GRM7: variants seen among roughly 807,000 people sequenced by gnomAD.
GRM7 encodes the protein glutamate metabotropic receptor 7.
A neutral mutation model predicts 84.5 loss-of-function variants in GRM7; 35 were observed. The observed-to-expected ratio is 0.41, with a 90% CI of 0.32 to 0.55. The LOEUF is 0.55. Among genes scored for constraint, GRM7 ranks in the 20% least tolerant of loss-of-function variants. The probability of loss-of-function intolerance (pLI) is 0.19; values close to 1 mark genes in which losing one functional copy is unlikely to be tolerated. For synonymous variants in GRM7, 487 were observed against 455.1 expected, an observed-to-expected ratio of 1.07 and a Z score of -0.89; for missense variants, 1,003 against 1,194.6, an observed-to-expected ratio of 0.84 and a Z score of 2.36.
At chr3:7,052,165 A>G (rs888444602) in intron 1 of GRM7, among the ~76,000 whole-genome samples, 1 of 151,706 alleles carries the variant, frequency 6.6e-6, no homozygotes, top group African/African-American at 2.4e-5. Context: ...CTGAAAATGT[A>G]TTTATGAATC....
intron 7 of GRM7, among the ~76,000 whole-genome samples, chr3:7,574,385 C>G (rs1259615330): frequency 6.6e-6 from 1 of 152,138 alleles, no homozygotes; most frequent in African/African-American, 2.4e-5. Context: ...GTCTTGAATT[C>G]CTGACCTCGT....
At chr3:7,066,316 C>A (rs1697660267) in intron 1 of GRM7, among the ~76,000 whole-genome samples, 1 of 151,750 alleles carries the variant, frequency 6.6e-6, no homozygotes, top group East Asian at 1.9e-4. Context: ...ATCCAACTAA[C>A]CTCACTAAGA....
At chr3:7,418,112 C>T (rs971443044) in intron 5 of GRM7, among the ~76,000 whole-genome samples, 3 of 152,150 alleles carry the variant, frequency 2.0e-5, no homozygotes, top group South Asian at 4.1e-4. Context: ...ATCTTTATTT[C>T]TGTAAATTAT....
chr3:7,631,392 G>A (rs760654230), intron 8 of GRM7, among the ~76,000 whole-genome samples: 1 of 152,120 alleles, frequency 6.6e-6, no homozygotes, highest in Non-Finnish European at 1.5e-5. Flanking sequence ...CAGGAGAATG[G>A]AAGCCATGGT....
rs573368514 is a variant in GRM7, at chr3:7,486,922, C to T, written c.1515+25200C>T. Reference sequence around the variant, plus strand: ...TAGATTCTTGTGAGGACATAGAAGACGAGAATACTAGGGAAAGTTTGGAAC... The same window carrying T: ...TAGATTCTTGTGAGGACATAGAAGATGAGAATACTAGGGAAAGTTTGGAAC... On this transcript the variant is annotated intron_variant, in intron 7 of 9. Transcript: ENST00000357716. This position sits in a 1 kb window ranked among gnomAD's most constrained non-coding sequence, Gnocchi z 5.5. Among the ~76,000 whole-genome samples the T allele has an allele frequency of 5.9e-5, 9 of 152,052 alleles. No individual in the cohort carries two copies. The highest frequency in any genetic ancestry group is 1.4e-4 in the African/African-American group (6 of 41,466).
Position 6,863,429 on chromosome 3 carries a change from G to A in GRM7, c.519+1522G>A, listed in dbSNP as rs1694833464. ...CCAGGCTGTCATCACATCACCTCCA[G>A]GAGTGTGAAGTTTGCATTCAGGAAA... On this transcript the variant is annotated intron_variant, in intron 1 of 9. Coordinates refer to ENST00000357716, the MANE Select transcript of GRM7 (RefSeq NM_000844.4). The surrounding 1 kb of genome is among the most constrained non-coding windows in gnomAD (Gnocchi z 4.8). Among the ~76,000 whole-genome samples, 7 of 152,152 alleles carry A rather than the reference G, an allele frequency of 4.6e-5. No individual in the cohort carries two copies. The highest frequency in any genetic ancestry group is 4.6e-4 in the Admixed American group (7 of 15,276).
intron 2 of GRM7, among the ~76,000 whole-genome samples, chr3:7,218,945 C>T (rs1696705126): frequency 6.6e-6 from 1 of 152,070 alleles, no homozygotes; most frequent in African/African-American, 2.4e-5. Flanking sequence ...AACTACCCAT[C>T]ATTTATTGAT....
chr3:7,181,051 C>T (rs1203649565), intron 2 of GRM7, among the ~76,000 whole-genome samples: 1 of 152,158 alleles, frequency 6.6e-6, no homozygotes, highest in Non-Finnish European at 1.5e-5. Context: ...ATTTCCCTCT[C>T]TGCTACAGGT....
At chr3:7,498,453 T>G (rs182078245) in intron 7 of GRM7, among the ~76,000 whole-genome samples, 169 of 152,324 alleles carry the variant, frequency 1.1e-3, no homozygotes, top group African/African-American at 3.7e-3. Flanking sequence ...AGCATGAACA[T>G]TGTTTCTTGT....
intron 4 of GRM7, among the ~76,000 whole-genome samples, chr3:7,317,219 G>C (rs1195399373): frequency 2.6e-5 from 4 of 152,054 alleles, no homozygotes; most frequent in Admixed American, 1.3e-4. Flanking sequence ...CGAACGTGGT[G>C]ATGTGTCTAT....
Position 7,192,656 on chromosome 3 carries a change from C to T in GRM7, c.736+45988C>T, listed in dbSNP as rs187209553. Among the ~76,000 whole-genome samples, 94 of 152,242 alleles carry T rather than the reference C, an allele frequency of 6.2e-4. 1 individual carries two copies. The highest frequency in any genetic ancestry group is 2.2e-3 in the African/African-American group (93 of 41,556). The stretch of plus-strand genomic sequence containing the variant: ...TCCGATTTGTCCCTCTATCTTGGCT[C>T]CTTCCAAGCAGCCTGTAATGTGTTC... On this transcript the variant is annotated intron_variant, in intron 2 of 9. Coordinates refer to ENST00000357716, the MANE Select transcript of GRM7 (RefSeq NM_000844.4).
chr3:7,454,984 G>T (rs191094459), intron 6 of GRM7, among the ~76,000 whole-genome samples: 1 of 152,028 alleles, frequency 6.6e-6, no homozygotes, highest in Non-Finnish European at 1.5e-5. Context: ...TTGGGACCAG[G>T]GCTAGGGCAG....
At chr3:7,063,593 A>C (rs1697510170) in intron 1 of GRM7, among the ~76,000 whole-genome samples, 1 of 151,806 alleles carries the variant, frequency 6.6e-6, no homozygotes, top group Non-Finnish European at 1.5e-5. Context: ...GCTCTCAGAT[A>C]ATTACTTTCT....
intron 8 of GRM7, among the ~76,000 whole-genome samples, chr3:7,656,313 A>C (rs1034431256): frequency 6.6e-6 from 1 of 151,894 alleles, no homozygotes; most frequent in Non-Finnish European, 1.5e-5. Context: ...ATATGGCAAA[A>C]CCCTGTCTCT....
chr3:7,513,788 G>A (rs1023585629), intron 7 of GRM7, among the ~76,000 whole-genome samples: 1 of 152,078 alleles, frequency 6.6e-6, no homozygotes, highest in Non-Finnish European at 1.5e-5. Context: ...CATCAGCAAA[G>A]ACAACCCAAA....
In GRM7 at chr3:7,740,398, G is replaced by C; in HGVS notation, c.2740G>C (p.Val914Leu). 6.4e-7 allele frequency: 1 copy of C among 1,570,778 alleles called. No homozygotes were observed. The highest frequency in any genetic ancestry group is 8.7e-7 in the Non-Finnish European group (1 of 1,147,206). Residue 914 changes from valine to leucine, a missense_variant, in exon 10 of 10, where the codon GTT (valine) becomes CTT (leucine). Val to Leu is a conservative substitution (Grantham distance 32). This residue lies in a region of GRM7 where 910 missense variants were observed against 1,126.0 expected (regional missense o/e 0.81). Transcript: ENST00000357716. The part of the protein sequence containing the change: ...KKKYVSYNNL[V>L]I ...GAAGTATGTCAGTTATAATAACCTG[G>C]TTATCTAACCTGTTCCATTCCATGG...
At chr3:7,551,413 G>T (rs1240426425) in intron 7 of GRM7, among the ~76,000 whole-genome samples, 1 of 152,066 alleles carries the variant, frequency 6.6e-6, no homozygotes, top group African/African-American at 2.4e-5. Flanking sequence ...TGATGTGACT[G>T]GCTATTGCTA....
intron 9 of GRM7, chr3:7,691,150 T>G (rs896034457): frequency 1.6e-5 from 8 of 506,696 alleles, no homozygotes; most frequent in Non-Finnish European, 2.2e-5. Flanking sequence ...TATTCTCATG[T>G]TTTTTTTCAA....
chr3:7,033,373 T>A (rs1208367301), intron 1 of GRM7, among the ~76,000 whole-genome samples: 1 of 152,166 alleles, frequency 6.6e-6, no homozygotes, highest in East Asian at 1.9e-4. Flanking sequence ...ATATATAAAA[T>A]TATTTTGACT....
Sources: allele counts gnomAD v4.1 joint callset (sites outside exome capture counted in the v4.1 genomes callset), GRCh38; gene constraint gnomAD v4.1.1; regional missense constraint gnomAD v4.1.1; non-coding constraint Gnocchi (gnomAD v3.1); transcripts MANE v1.5; gene names NCBI Gene and HGNC (gene_info 2026-07-23, HGNC 2026-07-21).